The following AUTS2 variants were observed in gnomAD, a reference collection of about 807,000 sequenced individuals.
AUTS2 encodes autism susceptibility gene 2 protein.
AUTS2 carries 17 observed loss-of-function variants against 112.4 expected under a neutral mutation model. That is an observed-to-expected ratio of 0.15 (90% confidence interval 0.10 to 0.23). The LOEUF (loss-of-function observed/expected upper bound fraction) is 0.23. Ranked by LOEUF, AUTS2 falls within the 10% of genes least tolerant of loss-of-function variation. AUTS2 has a pLI of 1.00. For synonymous variants in AUTS2, 751 were observed against 702.7 expected (o/e 1.07, Z -1.09); for missense variants, 1,510 against 1,701.6 (o/e 0.89, Z 1.98).
chr7:70,330,724 C>T (rs1790706652), intron 4 of AUTS2, among the ~76,000 whole-genome samples: 1 of 152,176 alleles, frequency 6.6e-6, no homozygotes, highest in Non-Finnish European at 1.5e-5. Context: ...GTAGTACTGA[C>T]ATCTTAACAA....
intron 5 of AUTS2, among the ~76,000 whole-genome samples, chr7:70,696,025 T>C (rs1363509382): frequency 6.7e-6 from 1 of 149,832 alleles, no homozygotes; most frequent in Non-Finnish European, 1.5e-5. Flanking sequence ...GAATAATAAT[T>C]TTTTTTAAAA....
intron 5 of AUTS2, among the ~76,000 whole-genome samples, chr7:70,510,762 T>C (rs1799148843): frequency 6.6e-6 from 1 of 152,210 alleles, no homozygotes; most frequent in African/African-American, 2.4e-5. Flanking sequence ...TAAAAATGTA[T>C]TTAACAGGTA....
chr7:70,154,737 A>G (rs763964101), intron 4 of AUTS2, among the ~76,000 whole-genome samples: 4 of 152,196 alleles, frequency 2.6e-5, no homozygotes, highest in East Asian at 1.9e-4. Context: ...CACTTGACTC[A>G]TGGTGACTTT....
In AUTS2 at chr7:70,790,463, G is replaced by A; in HGVS notation, c.3247G>A (p.Asp1083Asn). 1 of 1,612,362 alleles carries A rather than the reference G, an allele frequency of 6.2e-7. No homozygotes were observed. ...DPLRDPYRELDIHRRDPLGRD... is the reference protein window; with the variant it reads ...DPLRDPYRELNIHRRDPLGRD... ...CTTGAGGGATCCTTACCGAGAACTT[G>A]ACATTCACCGGAGAGACCCGCTGGG... The change falls in exon 19 of 19, where the codon GAC becomes AAC. Residue 1083 changes from aspartate to asparagine, a missense_variant. Physicochemically the swap from Asp to Asn is conservative, Grantham distance 23. Transcript: ENST00000342771. The surrounding 1 kb of genome is among the most constrained non-coding windows in gnomAD (Gnocchi z 7.6).
intron 2 of AUTS2, among the ~76,000 whole-genome samples, chr7:70,067,586 C>T (rs188016102): frequency 6.6e-6 from 1 of 152,230 alleles, no homozygotes. Flanking sequence ...TGGCTCACGC[C>T]TGTAATCCCA....
intron 1 of AUTS2, among the ~76,000 whole-genome samples, chr7:69,860,109 A>G: frequency 6.6e-6 from 1 of 152,092 alleles, no homozygotes; most frequent in East Asian, 1.9e-4. Flanking sequence ...GAGGACAAAG[A>G]GCTCTGATGC....
intron 4 of AUTS2, among the ~76,000 whole-genome samples, chr7:70,281,220 A>G (rs149018842): frequency 2.0e-4 from 30 of 152,330 alleles, no homozygotes; most frequent in Admixed American, 1.2e-3. Context: ...CCCTCTGCCC[A>G]TAATTTGTAC....
chr7:69,620,592 C>T (rs978445875), intron 1 of AUTS2, among the ~76,000 whole-genome samples: 1 of 152,008 alleles, frequency 6.6e-6, no homozygotes, highest in South Asian at 2.1e-4. Context: ...ATATTGTTGT[C>T]GACTACAGAA....
intron 4 of AUTS2, among the ~76,000 whole-genome samples, chr7:70,180,558 A>G (rs1348434912): frequency 6.6e-6 from 1 of 152,148 alleles, no homozygotes; most frequent in African/African-American, 2.4e-5. Context: ...CCTTCTCACT[A>G]GCACTAGCTC....
At chr7:69,671,296 G>A (rs760256411) in intron 1 of AUTS2, among the ~76,000 whole-genome samples, 1 of 152,130 alleles carries the variant, frequency 6.6e-6, no homozygotes, top group Non-Finnish European at 1.5e-5. Flanking sequence ...ATAACCTTGG[G>A]CAAATCTCTC....
intron 1 of AUTS2, among the ~76,000 whole-genome samples, chr7:69,660,742 C>G (rs1795749526): frequency 1.3e-5 from 2 of 152,142 alleles, no homozygotes; most frequent in Admixed American, 1.3e-4. Flanking sequence ...ACCTTCCTGG[C>G]TAACACAGTG....
At chr7:70,577,483 G>A (rs944754863) in intron 5 of AUTS2, among the ~76,000 whole-genome samples, 4 of 152,042 alleles carry the variant, frequency 2.6e-5, no homozygotes, top group African/African-American at 9.7e-5. Context: ...TTATCCTTTT[G>A]GTCCTTTAAG....
chr7:70,224,321 ATACAG>A (rs201946702), intron 4 of AUTS2, among the ~76,000 whole-genome samples: 17 of 137,930 alleles, frequency 1.2e-4, no homozygotes, highest in South Asian at 4.6e-4. Context: ...ATACAATACA[ATACAG>A]TACAGTACAA....
intron 5 of AUTS2, among the ~76,000 whole-genome samples, chr7:70,497,767 A>G (rs1446743218): frequency 6.6e-6 from 1 of 152,060 alleles, no homozygotes; most frequent in Non-Finnish European, 1.5e-5. Context: ...TTAATCCTAT[A>G]CTTGGCATCT....
intron 1 of AUTS2, among the ~76,000 whole-genome samples, chr7:69,638,259 C>T (rs775929006): frequency 3.3e-5 from 5 of 152,252 alleles, no homozygotes; most frequent in Non-Finnish European, 7.4e-5. Context: ...TCAATCAGTC[C>T]TCCTGCCTCA....
intron 1 of AUTS2, among the ~76,000 whole-genome samples, chr7:69,819,742 CA>C (rs1790905028): frequency 6.6e-6 from 1 of 152,160 alleles, no homozygotes; most frequent in Admixed American, 6.5e-5. Flanking sequence ...GTCAGCTTCC[CA>C]AATAGCTGGG....
At chr7:69,817,865 CTAA>C (rs1374037973) in intron 1 of AUTS2, among the ~76,000 whole-genome samples, 1 of 152,104 alleles carries the variant, frequency 6.6e-6, no homozygotes, top group Non-Finnish European at 1.5e-5. Context: ...GCAAAGCTAC[CTAA>C]TAATATCTTT....
chr7:70,061,074 G>C (rs1490749315), intron 2 of AUTS2, among the ~76,000 whole-genome samples: 1 of 152,310 alleles, frequency 6.6e-6, no homozygotes, highest in East Asian at 1.9e-4. Context: ...GGTTCTTTCT[G>C]AATTTTATCT....
At chr7:70,086,236 G>A (rs1254441934) in intron 2 of AUTS2, among the ~76,000 whole-genome samples, 1 of 152,100 alleles carries the variant, frequency 6.6e-6, no homozygotes, top group Non-Finnish European at 1.5e-5. Context: ...ATATTGTATT[G>A]AATCTATAGA....
Sources: gnomAD v4.1 joint callset for allele counts (sites outside exome capture counted in the v4.1 genomes callset) on GRCh38, gnomAD v4.1.1 for gene constraint, Gnocchi (gnomAD v3.1) non-coding constraint, MANE v1.5 for transcripts, NCBI Gene and HGNC (gene_info 2026-07-23, HGNC 2026-07-21) for gene names.